Variants in STAU2 observed in about 807,000 individuals in gnomAD.
STAU2 encodes double-stranded RNA-binding protein Staufen homolog 2.
In STAU2, 20 loss-of-function variants were observed where a neutral mutation model predicts 65.9. That is an observed-to-expected ratio of 0.30 (90% CI 0.21 to 0.44). The LOEUF is 0.44. Ranked by LOEUF, STAU2 falls within the 20% of genes least tolerant of loss-of-function variation. STAU2 has a pLI of 1.00. For synonymous variants in STAU2, 232 were observed against 233.9 expected, an observed-to-expected ratio of 0.99 and a Z score of 0.07; for missense variants, 558 against 683.9, an observed-to-expected ratio of 0.82 and a Z score of 2.05.
At chr8:73,560,928 G>T (rs1345749606) in intron 12 of STAU2, among the ~76,000 whole-genome samples, 1 of 152,096 alleles carries the variant, frequency 6.6e-6, no homozygotes, top group Non-Finnish European at 1.5e-5. Flanking sequence ...TTTAAAACAG[G>T]CAAATGGAAA....
intron 5 of STAU2, among the ~76,000 whole-genome samples, chr8:73,682,645 A>C (rs896956133): frequency 5.9e-5 from 9 of 152,174 alleles, no homozygotes; most frequent in African/African-American, 1.9e-4. Flanking sequence ...AAATTGAAAC[A>C]AAAGAAATAC....
intron 13 of STAU2, chr8:73,550,546 ATTTCT>A: frequency 1.0e-6 from 1 of 983,256 alleles, no homozygotes; most frequent in South Asian, 4.7e-5. Context: ...TAAGCAGTTA[ATTTCT>A]TTTCATCACA....
intron 13 of STAU2, among the ~76,000 whole-genome samples, chr8:73,486,662 T>A (rs867699926): frequency 0.12 from 15,058 of 123,656 alleles, 1,624 homozygotes; most frequent in African/African-American, 0.29. Context: ...TATATATTTT[T>A]TTTTTTTTTG....
At chr8:73,746,183 G>A (rs1371235317) in intron 1 of STAU2, among the ~76,000 whole-genome samples, 1 of 152,102 alleles carries the variant, frequency 6.6e-6, no homozygotes, top group South Asian at 2.1e-4. Context: ...GGCAAGTTAC[G>A]TCTTTACCAC....
intron 5 of STAU2, among the ~76,000 whole-genome samples, chr8:73,682,209 G>A (rs1328973116): frequency 6.6e-6 from 1 of 151,906 alleles, no homozygotes; most frequent in Non-Finnish European, 1.5e-5. Flanking sequence ...CATATTCCAA[G>A]ACAGACCACA....
At chr8:73,521,006 C>T (rs1057200399) in intron 13 of STAU2, among the ~76,000 whole-genome samples, 2 of 152,136 alleles carry the variant, frequency 1.3e-5, no homozygotes, top group Admixed American at 6.6e-5. Flanking sequence ...AATACAGATA[C>T]TATCACTTAA....
chr8:73,585,040 G>A (rs1481434433), intron 11 of STAU2, among the ~76,000 whole-genome samples: 4 of 152,206 alleles, frequency 2.6e-5, no homozygotes, highest in East Asian at 1.9e-4. Context: ...AAATAATTAC[G>A]TTTCCAGAAT....
At chr8:73,457,515 T>C (rs544981363) in intron 13 of STAU2, among the ~76,000 whole-genome samples, 1 of 152,356 alleles carries the variant, frequency 6.6e-6, no homozygotes, top group South Asian at 2.1e-4. Context: ...GAATTTCATT[T>C]TATACTTTCC....
intron 4 of STAU2, among the ~76,000 whole-genome samples, chr8:73,695,583 A>T (rs192680933): frequency 6.6e-6 from 1 of 152,230 alleles, no homozygotes; most frequent in African/African-American, 2.4e-5. Flanking sequence ...GCAGACAGAA[A>T]AGTAAAGGGA....
intron 13 of STAU2, among the ~76,000 whole-genome samples, chr8:73,501,845 GA>G (rs531282349): frequency 2.0e-3 from 302 of 152,058 alleles, no homozygotes; most frequent in Non-Finnish European, 3.3e-3. Context: ...TGTAAATTAA[GA>G]TGTTTTCAAT....
chr8:73,581,253 C>T (rs1257341738), intron 12 of STAU2, among the ~76,000 whole-genome samples: 4 of 152,008 alleles, frequency 2.6e-5, no homozygotes, highest in Non-Finnish European at 4.4e-5. Context: ...AAGTTAATAA[C>T]TATTTGATCT....
At chr8:73,608,663 T>C (rs750974581) in intron 9 of STAU2, among the ~76,000 whole-genome samples, 81 of 144,650 alleles carry the variant, frequency 5.6e-4, no homozygotes, top group Non-Finnish European at 3.8e-4. Flanking sequence ...AACAGAGTAA[T>C]AGGACTTAAT....
chr8:73,627,746 A>C (rs1267523518), intron 6 of STAU2, among the ~76,000 whole-genome samples: 3 of 87,160 alleles, frequency 3.4e-5, no homozygotes, highest in African/African-American at 4.6e-5. Context: ...AATACTCATT[A>C]AACCTTGTTA....
At chr8:73,620,883 G>A (rs1427612359) in intron 6 of STAU2, among the ~76,000 whole-genome samples, 1 of 152,080 alleles carries the variant, frequency 6.6e-6, no homozygotes, top group Non-Finnish European at 1.5e-5. Flanking sequence ...TGACAATCAA[G>A]ATTAGCCAGA....
At chr8:73,596,457 T>G (rs1194506852) in intron 10 of STAU2, among the ~76,000 whole-genome samples, 1 of 152,190 alleles carries the variant, frequency 6.6e-6, no homozygotes, top group East Asian at 1.9e-4. Flanking sequence ...AAGGATAGAA[T>G]TACAAGGAGA....
At chr8:73,445,607 A>G (rs1818424974) in intron 13 of STAU2, among the ~76,000 whole-genome samples, 1 of 152,228 alleles carries the variant, frequency 6.6e-6, no homozygotes, top group African/African-American at 2.4e-5. Flanking sequence ...CGCAGACCAC[A>G]TATCTGACAG....
At chr8:73,520,890 G>A (rs2128928374) in intron 13 of STAU2, among the ~76,000 whole-genome samples, 1 of 152,220 alleles carries the variant, frequency 6.6e-6, no homozygotes, top group East Asian at 1.9e-4. Context: ...AGATAATGAG[G>A]TTCGTTATTA....
chr8:73,694,287 AT>A (rs1450373941), intron 4 of STAU2, among the ~76,000 whole-genome samples: 1 of 152,222 alleles, frequency 6.6e-6, no homozygotes, highest in Non-Finnish European at 1.5e-5. Flanking sequence ...AGCAAAAAAA[AT>A]CACCAAGAAT....
At chr8:73,583,667 A>T (rs540174537) in intron 11 of STAU2, among the ~76,000 whole-genome samples, 12 of 152,148 alleles carry the variant, frequency 7.9e-5, no homozygotes, top group South Asian at 2.1e-4. Flanking sequence ...TAAAAAAAAT[A>T]AAAAAATAAA....
Sources: allele counts gnomAD v4.1 joint callset (sites outside exome capture counted in the v4.1 genomes callset), GRCh38; gene constraint gnomAD v4.1.1; transcripts MANE v1.5; gene names NCBI Gene and HGNC (gene_info 2026-07-23, HGNC 2026-07-21).